Variants in NRXN3 observed in about 807,000 individuals in gnomAD.
NRXN3 encodes the protein neurexin III.
In NRXN3, 32 loss-of-function variants were observed where a neutral mutation model predicts 137.6. The observed-to-expected ratio is 0.23, with a 90% CI of 0.18 to 0.31. The LOEUF (loss-of-function observed/expected upper bound fraction) is 0.31, where lower values mean the gene tolerates loss of function less well. Among genes scored for constraint, NRXN3 ranks in the 10% least tolerant of loss-of-function variants. NRXN3 has a pLI of 1.00. For missense variants in NRXN3, 1,574 were observed against 2,062.5 expected (o/e 0.76, Z 4.59); for synonymous variants, 798 against 784.5 (o/e 1.02, Z -0.29).
At chr14:79,588,555 T>A (rs953415665) in intron 16 of NRXN3, among the ~76,000 whole-genome samples, 1 of 152,216 alleles carries the variant, frequency 6.6e-6, no homozygotes, top group African/African-American at 2.4e-5. Context: ...TGCTCTTCAA[T>A]TGTTCTTGAG....
At chr14:79,401,119 G>A (rs990297800) in intron 15 of NRXN3, among the ~76,000 whole-genome samples, 9 of 152,114 alleles carry the variant, frequency 5.9e-5, no homozygotes, top group African/African-American at 2.2e-4. Context: ...GCGTGATTCA[G>A]GAAGGATTAT....
At chr14:78,968,497 T>A in intron 14 of NRXN3, 151 bp downstream of exon 14, 1 of 649,492 alleles carries the variant, frequency 1.5e-6, no homozygotes, top group Non-Finnish European at 2.5e-6. Context: ...TGTTCTCTTG[T>A]CACTGGTTTA....
chr14:78,618,283 A>G (rs573647199), intron 4 of NRXN3, among the ~76,000 whole-genome samples: 8 of 151,858 alleles, frequency 5.3e-5, no homozygotes. Context: ...TGATGTGGCA[A>G]AAACAAAACA....
chr14:78,544,330 AGT>A (rs2096618751), intron 4 of NRXN3, among the ~76,000 whole-genome samples: 2 of 152,350 alleles, frequency 1.3e-5, no homozygotes, highest in Admixed American at 1.3e-4. Flanking sequence ...GTAGGCATGC[AGT>A]GTTAATAAAT....
At chr14:79,836,650 T>A (rs1172612908) in intron 20 of NRXN3, among the ~76,000 whole-genome samples, 1 of 152,132 alleles carries the variant, frequency 6.6e-6, no homozygotes, top group Non-Finnish European at 1.5e-5. Context: ...ACATCTTAGA[T>A]TGAGGGTCCC....
At chr14:79,796,850 G>A (rs2099162496) in intron 19 of NRXN3, among the ~76,000 whole-genome samples, 1 of 152,186 alleles carries the variant, frequency 6.6e-6, no homozygotes, top group Non-Finnish European at 1.5e-5. Flanking sequence ...TATGTAGTCT[G>A]CTGTCTTTAG....
intron 10 of NRXN3, among the ~76,000 whole-genome samples, chr14:78,951,520 C>T (rs527591619): frequency 6.6e-6 from 1 of 152,236 alleles, no homozygotes; most frequent in African/African-American, 2.4e-5. Flanking sequence ...AGTCCTCAGT[C>T]CTCACTCCCT....
chr14:79,182,233 C>T (rs1479244930), intron 15 of NRXN3, among the ~76,000 whole-genome samples: 4 of 151,966 alleles, frequency 2.6e-5, no homozygotes, highest in Non-Finnish European at 4.4e-5. Context: ...GATAATTTTT[C>T]CATGGACTGG....
intron 4 of NRXN3, among the ~76,000 whole-genome samples, chr14:78,319,039 C>G (rs985023542): frequency 6.6e-6 from 1 of 152,174 alleles, no homozygotes; most frequent in Non-Finnish European, 1.5e-5. Context: ...GTATGTGGAC[C>G]ATTCTTTGGA....
Position 79,005,845 on chromosome 14 carries a change from C to T in NRXN3, c.3262+17704C>T, listed in dbSNP as rs151142147. Among the ~76,000 whole-genome samples the T allele has an allele frequency of 2.2e-3, 340 of 151,964 alleles. 1 individual carries two copies. Among genetic ancestry groups the T allele is most frequent in the African/African-American group, 7.8e-3 (324 of 41,452 alleles). The stretch of plus-strand genomic sequence containing the variant: ...ACTTGTACATTTCTTAGAACAGTGT[C>T]GGTCCTCAAAAAAAACGAGTGGGTT... On this transcript the variant is annotated intron_variant, in intron 15 of 20. Coordinates refer to ENST00000335750, the MANE Select transcript of NRXN3 (RefSeq NM_001330195.2).
At chr14:78,240,399 C>T (rs1271222991) in intron 1 of NRXN3, among the ~76,000 whole-genome samples, 1 of 152,158 alleles carries the variant, frequency 6.6e-6, no homozygotes, top group East Asian at 1.9e-4. Context: ...CCTGGCTGGT[C>T]CCATGGAACA....
chr14:79,446,732 C>T (rs529503093), intron 15 of NRXN3, among the ~76,000 whole-genome samples: 4 of 151,958 alleles, frequency 2.6e-5, no homozygotes, highest in African/African-American at 9.7e-5. Flanking sequence ...AAGATAACTT[C>T]TTCATAATGA....
intron 15 of NRXN3, among the ~76,000 whole-genome samples, chr14:79,129,696 G>A (rs201690029): frequency 0.4 from 39,462 of 98,898 alleles, 8,377 homozygotes; most frequent in East Asian, 0.67. Flanking sequence ...TATTAGGTCC[G>A]CTTGGTGCAG....
intron 15 of NRXN3, chr14:79,280,210 G>C: frequency 6.4e-7 from 1 of 1,570,672 alleles, no homozygotes; most frequent in Non-Finnish European, 8.6e-7. Flanking sequence ...TGCTATGATG[G>C]GCCCTTGGGC....
At chr14:78,803,221 A>G (rs900363168) in intron 8 of NRXN3, among the ~76,000 whole-genome samples, 2 of 152,178 alleles carry the variant, frequency 1.3e-5, no homozygotes, top group South Asian at 4.1e-4. Context: ...CCTATTCTTC[A>G]TGAAATACAG....
intron 16 of NRXN3, among the ~76,000 whole-genome samples, chr14:79,534,914 G>T (rs932040935): frequency 1.3e-5 from 2 of 152,166 alleles, no homozygotes; most frequent in African/African-American, 4.8e-5. Flanking sequence ...GAATTTTCCT[G>T]TGGTCTGACA....
intron 15 of NRXN3, among the ~76,000 whole-genome samples, chr14:79,143,711 A>G (rs2059030175): frequency 6.6e-6 from 1 of 152,216 alleles, no homozygotes; most frequent in Non-Finnish European, 1.5e-5. Context: ...GAGGGAAATT[A>G]CCTTCCATTT....
chr14:78,498,146 A>G (rs978142987), intron 4 of NRXN3, among the ~76,000 whole-genome samples: 10 of 152,150 alleles, frequency 6.6e-5, no homozygotes, highest in Admixed American at 1.3e-4. Flanking sequence ...TATATATTTC[A>G]TGGAATGGGT....
intron 15 of NRXN3, among the ~76,000 whole-genome samples, chr14:79,136,435 A>G (rs1034897744): frequency 5.9e-5 from 9 of 152,220 alleles, no homozygotes; most frequent in African/African-American, 1.7e-4. Context: ...CCAACTTTAT[A>G]TACACTCAAA....
Sources: allele counts gnomAD v4.1 joint callset (sites outside exome capture counted in the v4.1 genomes callset), GRCh38; gene constraint gnomAD v4.1.1; transcripts MANE v1.5; gene names NCBI Gene and HGNC (gene_info 2026-07-23, HGNC 2026-07-21).